Variants in LIPA observed in about 807,000 individuals in gnomAD.
LIPA encodes the protein lipase A, lysosomal acid type.
LIPA carries 26 observed loss-of-function variants against 40.6 expected under a neutral mutation model. That is an observed-to-expected ratio of 0.64 (90% CI 0.47 to 0.89). The LOEUF (loss-of-function observed/expected upper bound fraction) is 0.89, where lower values mean the gene tolerates loss of function less well. LIPA is among the 40% of genes least tolerant of loss of function. The probability of loss-of-function intolerance (pLI) is 0.00; values close to 1 mark genes in which losing one functional copy is unlikely to be tolerated. For missense variants in LIPA, 455 were observed against 479.6 expected, an observed-to-expected ratio of 0.95 and a Z score of 0.48; for synonymous variants, 188 against 168.4, an observed-to-expected ratio of 1.12 and a Z score of -0.90.
intron 1 of LIPA, among the ~76,000 whole-genome samples, chr10:89,323,811 T>C (rs1004989981): frequency 1.3e-5 from 2 of 152,182 alleles, no homozygotes; most frequent in Non-Finnish European, 2.9e-5. Context: ...GAAATGCTCA[T>C]GGATAGGAAG....
At chr10:89,385,530 C>G (rs1175372562) in intron 2 of LIPA, among the ~76,000 whole-genome samples, 1 of 152,112 alleles carries the variant, frequency 6.6e-6, no homozygotes, top group Admixed American at 6.5e-5. Flanking sequence ...CAAAGGAGAC[C>G]TAAACAGGGA....
At chr10:89,241,999 G>A (rs1842970455) in intron 3 of LIPA, among the ~76,000 whole-genome samples, 1 of 152,040 alleles carries the variant, frequency 6.6e-6, no homozygotes, top group Non-Finnish European at 1.5e-5. Context: ...GAGGATGTTA[G>A]TCTAGAACAC....
chr10:89,305,358 A>C (rs1352948280), intron 1 of LIPA, among the ~76,000 whole-genome samples: 1 of 152,166 alleles, frequency 6.6e-6, no homozygotes, highest in Non-Finnish European at 1.5e-5. Context: ...AATAGACAAA[A>C]TAAATGAAGG....
intron 1 of LIPA, among the ~76,000 whole-genome samples, chr10:89,315,121 G>A (rs1564784166): frequency 6.6e-6 from 1 of 152,178 alleles, no homozygotes. Flanking sequence ...TAACAGAGGT[G>A]CTATTTGTTC....
chr10:89,360,654 AAGGCATGAGCC>A (rs1326671368), intron 2 of LIPA, among the ~76,000 whole-genome samples: 7 of 152,174 alleles, frequency 4.6e-5, no homozygotes, highest in African/African-American at 9.6e-5. Flanking sequence ...TCGGCCTCCC[AAGGCATGAGCC>A]AGGCATGAGC....
chr10:89,412,955 C>T (rs1258359262), intron 1 of LIPA: 2 of 225,880 alleles, frequency 8.9e-6, no homozygotes, highest in East Asian at 3.0e-4. Flanking sequence ...ACACCATCAC[C>T]TACGTATTAA....
chr10:89,402,063 C>T (rs1844433864), intron 2 of LIPA, among the ~76,000 whole-genome samples: 1 of 152,088 alleles, frequency 6.6e-6, no homozygotes, highest in Non-Finnish European at 1.5e-5. Flanking sequence ...CTCATAAGTA[C>T]AGAATAGTTA....
chr10:89,241,266 T>C (rs2133456216), intron 3 of LIPA, among the ~76,000 whole-genome samples: 1 of 152,202 alleles, frequency 6.6e-6, no homozygotes, highest in East Asian at 1.9e-4. Flanking sequence ...ACCTCACTTA[T>C]GCTGCTCCAT....
intron 8 of LIPA, among the ~76,000 whole-genome samples, chr10:89,220,690 G>A (rs1410136508): frequency 6.6e-6 from 1 of 152,116 alleles, no homozygotes; most frequent in African/African-American, 2.4e-5. Context: ...AAAGGACCAG[G>A]AGCCTCAGGC....
At chr10:89,412,833 C>A in exon 2 of LIPA, 4 of 388,812 alleles carry the variant, frequency 1.0e-5, no homozygotes, top group South Asian at 7.3e-5. Context: ...TCGAAAGGAA[C>A]AAACTCCAGA....
chr10:89,225,350 A>C, intron 5 of LIPA, 122 bp from the exon 6 acceptor site: 5 of 1,180,416 alleles, frequency 4.2e-6, no homozygotes, highest in Non-Finnish European at 6.3e-6. Flanking sequence ...AAACAATACC[A>C]CCAGCAGGAG....
chr10:89,265,144 G>A (rs1470862576), intron 1 of LIPA, among the ~76,000 whole-genome samples: 1 of 151,162 alleles, frequency 6.6e-6, no homozygotes, highest in Non-Finnish European at 1.5e-5. Flanking sequence ...CAGGAGCAGG[G>A]AGAGGCCAGG....
intron 3 of LIPA, among the ~76,000 whole-genome samples, chr10:89,230,778 G>C (rs758580349): frequency 7.9e-5 from 12 of 152,192 alleles, no homozygotes; most frequent in African/African-American, 2.7e-4. Flanking sequence ...TATATGAAAA[G>C]TAGGTAGCAA....
At chr10:89,377,524 C>T (rs867648813) in intron 2 of LIPA, among the ~76,000 whole-genome samples, 23 of 152,186 alleles carry the variant, frequency 1.5e-4, no homozygotes, top group African/African-American at 4.3e-4. Context: ...TTCTTATAGA[C>T]CAATATCTCA....
At chr10:89,288,070 A>C (rs972710927) in intron 1 of LIPA, among the ~76,000 whole-genome samples, 2 of 152,176 alleles carry the variant, frequency 1.3e-5, no homozygotes, top group African/African-American at 4.8e-5. Flanking sequence ...GTACTGCTGC[A>C]AGGCTTTGCG....
At chr10:89,232,953 T>G (rs1842859807) in intron 3 of LIPA, among the ~76,000 whole-genome samples, 1 of 152,224 alleles carries the variant, frequency 6.6e-6, no homozygotes, top group African/African-American at 2.4e-5. Context: ...AGCTGGAGCA[T>G]GTGCTACCCA....
Position 89,214,716 on chromosome 10 carries a change from TA to T in LIPA, c.*111del, listed in dbSNP as rs941320104. The T allele has an allele frequency of 7.0e-6, 5 of 709,402 alleles. No homozygotes were observed. The East Asian group carries it at 8.1e-5, about 11-fold the overall frequency. 43.9% of individuals were successfully genotyped at this position (709,402 alleles called of 1,614,324 possible). A position where few individuals can be genotyped will look rare whatever the true frequency, so the allele number is the denominator to read the frequency against. On this transcript the variant is annotated 3_prime_UTR_variant, in exon 10 of 10. Coordinates refer to ENST00000336233, the MANE Select transcript of LIPA (RefSeq NM_000235.4). ...TTCAAAGTTATCATTTTCTTGGATATAAAAAAACAAAAGACCTGGGAAAGAA... is the reference window on the plus strand; with the variant it reads ...TTCAAAGTTATCATTTTCTTGGATATAAAAAACAAAAGACCTGGGAAAGAA...
intron 2 of LIPA, among the ~76,000 whole-genome samples, chr10:89,410,411 T>C (rs1841459941): frequency 6.6e-6 from 1 of 152,248 alleles, no homozygotes; most frequent in African/African-American, 2.4e-5. Flanking sequence ...TAGTCCAGAC[T>C]TATGCTGCCC....
At chr10:89,332,730 C>T (rs1225439050) in intron 1 of LIPA, 4 of 1,177,148 alleles carry the variant, frequency 3.4e-6, no homozygotes, top group East Asian at 2.4e-5. Flanking sequence ...ATGCATTTAT[C>T]TAATTCAAGC....
Sources: gnomAD v4.1 joint callset for allele counts (sites outside exome capture counted in the v4.1 genomes callset) on GRCh38, gnomAD v4.1.1 for gene constraint, MANE v1.5 for transcripts, NCBI Gene and HGNC (gene_info 2026-07-23, HGNC 2026-07-21) for gene names.